Variants in POLE observed in about 807,000 individuals in gnomAD.
The protein encoded by POLE is DNA polymerase epsilon catalytic subunit A.
Under a neutral mutation model 279.2 loss-of-function variants are expected in POLE, and 188 were observed. That is an observed-to-expected ratio of 0.67 (90% CI 0.60 to 0.76). The LOEUF (loss-of-function observed/expected upper bound fraction) is 0.76. Ranked by LOEUF, POLE falls within the 30% of genes least tolerant of loss-of-function variation. POLE has a pLI of 0.00. For missense variants in POLE, 2,703 were observed against 3,016.7 expected (o/e 0.90, Z 2.44); for synonymous variants, 1,214 against 1,172.5 (o/e 1.04, Z -0.72).
intron 40 of POLE, 132 bp downstream of exon 40, chr12:132,638,993 G>T: frequency 2.5e-6 from 2 of 788,410 alleles, no homozygotes; most frequent in Non-Finnish European, 4.2e-6. Flanking sequence ...CCTTTGGATT[G>T]TTATGCTCCA....
At chr12:132,650,239 T>G in intron 29 of POLE, 1 of 272,210 alleles carries the variant, frequency 3.7e-6, no homozygotes, top group South Asian at 5.4e-5. Context: ...CAGGATCTCA[T>G]CCCCACAAAT....
At chr12:132,632,097 C>G (rs2041944139) in intron 45 of POLE, among the ~76,000 whole-genome samples, 1 of 152,006 alleles carries the variant, frequency 6.6e-6, no homozygotes, top group African/African-American at 2.4e-5. Context: ...CACCCTGACC[C>G]TACACATGTA....
chr12:132,625,373 T>C, intron 47 of POLE: 1 of 734,466 alleles, frequency 1.4e-6, no homozygotes, highest in Non-Finnish European at 2.5e-6. Context: ...CAACTCCCTC[T>C]TCCTCCTTTC....
intron 1 of POLE, among the ~76,000 whole-genome samples, 165 bp downstream of exon 1, chr12:132,687,089 C>A (rs1349753920): frequency 6.6e-6 from 1 of 151,234 alleles, no homozygotes; most frequent in Non-Finnish European, 1.5e-5. Context: ...GCCCCGAGCC[C>A]CTCCGTCGGC....
At chr12:132,638,829 A>C (rs2042084330) in intron 40 of POLE, 1 of 375,090 alleles carries the variant, frequency 2.7e-6, no homozygotes, top group Non-Finnish European at 4.9e-6. Flanking sequence ...ATCTCCTGAC[A>C]CAGGCATATT....
Position 132,680,827 on chromosome 12 carries a change from T to C in POLE, c.205-140A>G, listed in dbSNP as rs375602454. 1.1e-4 allele frequency: 75 copies of C among 687,424 alleles called. No individual in the cohort carries two copies. In the African/African-American group the frequency reaches 1.1e-3, roughly 10 times the overall value. The allele number at this position is 687,424 out of a possible 1,614,324, so 42.6% of individuals were successfully genotyped here. On this transcript the variant is annotated intron_variant, in intron 2 of 48. Transcript: ENST00000320574. ...CTTTACTCCACCCCTACATTAACAC[T>C]ACCAGCCTTATTCACAAGAACCACA...
At position 132,673,580 on chromosome 12, in the gene POLE, G is replaced by T. The variant is rs1555228573; in HGVS notation, c.1354C>A (p.Pro452Thr). Reference sequence around the variant, plus strand: ...CCGGGATGTGGCTTACGTGCCTGGGGCTGCTCCGTGGCCATCCGGCACATG... The same window carrying T: ...CCGGGATGTGGCTTACGTGCCTGGGTCTGCTCCGTGGCCATCCGGCACATG... Reference protein sequence around the residue: ...EDMCRMATEQPQTLATYSVSD... With the variant: ...EDMCRMATEQTQTLATYSVSD... The change falls in exon 13 of 49, where the codon CCC (proline) becomes ACC (threonine). Residue 452 changes from proline to threonine, a missense_variant. Physicochemically the swap from Pro to Thr is conservative, Grantham distance 38 (BLOSUM62 -1). Coordinates refer to ENST00000320574, the MANE Select transcript of POLE (RefSeq NM_006231.4). 1.9e-6 allele frequency: 3 copies of T among 1,612,100 alleles called. No individual in the cohort carries two copies. The highest frequency in any genetic ancestry group is 2.5e-6 in the Non-Finnish European group (3 of 1,179,984).
chr12:132,643,092 C>T, intron 35 of POLE, 96 bp from the exon 36 acceptor site: 1 of 1,470,072 alleles, frequency 6.8e-7, no homozygotes, highest in Non-Finnish European at 9.2e-7. Flanking sequence ...ACTGCCAATT[C>T]AATCACGACA....
intron 1 of POLE, among the ~76,000 whole-genome samples, chr12:132,685,939 G>A (rs1166185153): frequency 6.6e-6 from 1 of 151,798 alleles, no homozygotes; most frequent in Non-Finnish European, 1.5e-5. Flanking sequence ...GCAATGGCGC[G>A]ATCTCGGTTC....
rs995106774 is a variant in POLE at position 132,661,413 on chromosome 12, C to T, written c.2864+114G>A. On this transcript the variant is annotated intron_variant, in intron 24 of 48. Coordinates refer to ENST00000320574, the MANE Select transcript of POLE (RefSeq NM_006231.4). This position sits in a 1 kb window ranked among gnomAD's most constrained non-coding sequence, Gnocchi z 4.1. Reference sequence around the variant, plus strand: ...GGTGCAAACGGAATCAGTAAGATCACAAGAACCCAGGTCTGTTTCTATCCT... The same window carrying T: ...GGTGCAAACGGAATCAGTAAGATCATAAGAACCCAGGTCTGTTTCTATCCT... 5 of 1,215,478 alleles carry T rather than the reference C, an allele frequency of 4.1e-6. No individual in the cohort carries two copies. The African/African-American group carries it at 7.6e-5, about 18-fold the overall frequency. The allele number at this position is 1,215,478 out of a possible 1,614,324, so 75.3% of individuals were successfully genotyped here. A position where few individuals can be genotyped will look rare whatever the true frequency, so the allele number is the denominator to read the frequency against.
At chr12:132,663,853 T>C in intron 23 of POLE, 151 bp downstream of exon 23, 1 of 735,508 alleles carries the variant, frequency 1.4e-6, no homozygotes, top group Non-Finnish European at 2.2e-6. Flanking sequence ...ACTTGATACC[T>C]CTGACCATGG....
In POLE at chr12:132,639,609, C is replaced by G. The variant is rs957887016; in HGVS notation, c.5379-311G>C. The stretch of plus-strand genomic sequence containing the variant: ...ACAAAGCAGCAAGTGTGTGACGGGC[C>G]GGGGACCCTGACAGGAAGGACACAG... On this transcript the variant is annotated intron_variant, in intron 39 of 48. Transcript: ENST00000320574. This position sits in a 1 kb window ranked among gnomAD's most constrained non-coding sequence, Gnocchi z 4.7. Among the ~76,000 whole-genome samples, 1 of 152,144 alleles carries G rather than the reference C, an allele frequency of 6.6e-6. No individual in the cohort carries two copies. Among genetic ancestry groups the G allele is most frequent in the Non-Finnish European group, 1.5e-5 (1 of 68,018 alleles).
Position 132,659,300 on chromosome 12 carries a change from C to T in POLE, c.3270G>A (p.Thr1090=), listed in dbSNP as rs758258927. 26 of 1,613,584 alleles carry T rather than the reference C, an allele frequency of 1.6e-5. No homozygotes were observed. The highest frequency in any genetic ancestry group is 2.2e-5 in the East Asian group (1 of 44,882). Reference sequence around the variant, plus strand: ...GTGATGGGGGGAGCCCTCACCTCTCCGTGACAGGGGAGCCCTCGGGCTTGC... The same window carrying T: ...GTGATGGGGGGAGCCCTCACCTCTCTGTGACAGGGGAGCCCTCGGGCTTGC... ...ISRKPEGSPV[T]ERAIPLAIFQ... is the part of the protein sequence containing the mutation. Residue 1090 remains threonine (T), a synonymous_variant, in exon 26 of 49, where the codon ACG becomes ACA. Transcript: ENST00000320574.
In POLE at chr12:132,656,293, A is replaced by C. The variant is rs991669172; in HGVS notation, c.3582+843T>G. Reference sequence around the variant, plus strand: ...AAGACTCCGTCTTGGGGGGCAGGGGAAAGAATACATATATAACTCTTACAA... The same window carrying C: ...AAGACTCCGTCTTGGGGGGCAGGGGCAAGAATACATATATAACTCTTACAA... On this transcript the variant is annotated intron_variant, in intron 29 of 48. Transcript: ENST00000320574. Among the ~76,000 whole-genome samples, 10 of 152,264 alleles carry C rather than the reference A, an allele frequency of 6.6e-5. 3 individuals carry two copies. The highest frequency in any genetic ancestry group is 6.5e-4 in the Admixed American group (10 of 15,298).
At position 132,649,671 on chromosome 12, in the gene POLE, C is replaced by A. The variant is rs749508299; in HGVS notation, c.3795+6G>T. 5 of 1,613,614 alleles carry A rather than the reference C, an allele frequency of 3.1e-6. No individual in the cohort carries two copies. Among genetic ancestry groups the A allele is most frequent in the Non-Finnish European group, 4.2e-6 (5 of 1,179,910 alleles). On this transcript the variant is annotated splice_donor_region_variant and intron_variant, in intron 30 of 48. Coordinates refer to ENST00000320574, the MANE Select transcript of POLE (RefSeq NM_006231.4). ...AGACAGACAGTATCACAGCTGTGTGCCTTACCTGGCTGGTTCCCAGGGCGG... is the reference window on the plus strand; with the variant it reads ...AGACAGACAGTATCACAGCTGTGTGACTTACCTGGCTGGTTCCCAGGGCGG...
At chr12:132,666,164 G>A (rs1313465792) in intron 20 of POLE, among the ~76,000 whole-genome samples, 1 of 152,172 alleles carries the variant, frequency 6.6e-6, no homozygotes, top group Non-Finnish European at 1.5e-5. Flanking sequence ...GCCAAAAGGT[G>A]GAAGCAACCC....
At chr12:132,686,929 C>T (rs992645437) in intron 1 of POLE, among the ~76,000 whole-genome samples, 1 of 151,756 alleles carries the variant, frequency 6.6e-6, no homozygotes, top group African/African-American at 2.4e-5. Context: ...CGGGTCCCGC[C>T]GCTCTCATCG....
chr12:132,679,097 G>A (rs1204093908), intron 6 of POLE, among the ~76,000 whole-genome samples: 1 of 152,192 alleles, frequency 6.6e-6, no homozygotes, highest in Admixed American at 6.5e-5. Context: ...GAAGAACAGT[G>A]TTTAGTGTTC....
chr12:132,659,549 G>T (rs772307945), intron 25 of POLE, 40 bp from the exon 26 acceptor site: 13 of 1,563,698 alleles, frequency 8.3e-6, no homozygotes, highest in Non-Finnish European at 1.1e-5. Flanking sequence ...AGAAATCAAG[G>T]GGCAGAGTCT....
Sources: allele counts gnomAD v4.1 joint callset (sites outside exome capture counted in the v4.1 genomes callset), GRCh38; gene constraint gnomAD v4.1.1; non-coding constraint Gnocchi (gnomAD v3.1); transcripts MANE v1.5; gene names NCBI Gene and HGNC (gene_info 2026-07-23, HGNC 2026-07-21).